The following B3GALT1 variants were observed in gnomAD, a reference collection of about 807,000 sequenced individuals.
The protein encoded by B3GALT1 is beta-1,3-galactosyltransferase 1, also known as UDP-Gal:betaGlcNAc beta 1,3-galactosyltransferase, polypeptide 1.
A neutral mutation model predicts 23.2 loss-of-function variants in B3GALT1; 10 were observed. The observed-to-expected ratio is 0.43, with a 90% confidence interval of 0.27 to 0.73. The LOEUF is 0.73. B3GALT1 is among the 30% of genes least tolerant of loss of function. The pLI is 0.21. For missense variants in B3GALT1, 299 were observed against 405.4 expected (o/e 0.74, Z 2.25); for synonymous variants, 156 against 141.5 (o/e 1.10, Z -0.73).
Position 167,467,234 on chromosome 2 carries a change from C to T in B3GALT1, c.-510-22943C>T, listed in dbSNP as rs368563199. ...CACTCAGGACCTCATTAATACTAGA[C>T]ATCTTTATCTGTGTTTAACTATAAT... On this transcript the variant is annotated intron_variant, in intron 1 of 4. Transcript: ENST00000392690. 2.8e-4 allele frequency among the ~76,000 whole-genome samples: 42 copies of T among 152,074 alleles called. No homozygotes were observed. In the East Asian group the frequency reaches 7.9e-3, roughly 29 times the overall value.
rs181057222 is a variant in B3GALT1, at chr2:167,565,402, C to T, written c.-410+75125C>T. ...AACGTCAGACCTAAAACCACAAAAACCCTAGAAGAAAACCTAAGCATTAGC... is the reference window on the plus strand; with the variant it reads ...AACGTCAGACCTAAAACCACAAAAATCCTAGAAGAAAACCTAAGCATTAGC... On this transcript the variant is annotated intron_variant, in intron 2 of 4. Transcript: ENST00000392690. Among the ~76,000 whole-genome samples, 184 of 152,266 alleles carry T rather than the reference C, an allele frequency of 1.2e-3. 1 individual carries two copies. In the South Asian group the frequency reaches 0.013, roughly 11 times the overall value.
chr2:167,748,002 T>C (rs1687677913), intron 3 of B3GALT1, among the ~76,000 whole-genome samples: 1 of 152,332 alleles, frequency 6.6e-6, no homozygotes, highest in African/African-American at 2.4e-5. Flanking sequence ...TAAGCATTTC[T>C]AGTATCCATA....
At chr2:167,655,111 T>TTTTTTTACTATA (rs1422048467) in intron 3 of B3GALT1, among the ~76,000 whole-genome samples, 5 of 152,092 alleles carry the variant, frequency 3.3e-5, no homozygotes, top group African/African-American at 1.2e-4. Context: ...AATCTTGATA[T>TTTTTTTACTATA]TTTTTTACTA....
intron 2 of B3GALT1, among the ~76,000 whole-genome samples, chr2:167,545,391 A>G (rs1051391768): frequency 6.6e-6 from 1 of 151,330 alleles, no homozygotes; most frequent in Admixed American, 6.6e-5. Flanking sequence ...TCCTTTTCCT[A>G]TCCTATAGAA....
At chr2:167,529,809 A>G (rs1386499848) in intron 2 of B3GALT1, among the ~76,000 whole-genome samples, 1 of 151,612 alleles carries the variant, frequency 6.6e-6, no homozygotes, top group Non-Finnish European at 1.5e-5. Context: ...AAGCCACACC[A>G]TTTCTCACCT....
chr2:167,609,776 A>G (rs1685027345), intron 2 of B3GALT1, among the ~76,000 whole-genome samples: 1 of 152,104 alleles, frequency 6.6e-6, no homozygotes, highest in South Asian at 2.1e-4. Context: ...CAATTCCCCT[A>G]ATTGAATTTT....
chr2:167,502,607 A>G (rs1000362220), intron 2 of B3GALT1, among the ~76,000 whole-genome samples: 1 of 152,098 alleles, frequency 6.6e-6, no homozygotes, highest in Non-Finnish European at 1.5e-5. Flanking sequence ...GAAAGAGAGC[A>G]AAGGGGGAAG....
intron 3 of B3GALT1, among the ~76,000 whole-genome samples, chr2:167,774,485 G>GTT (rs767692581): frequency 0.023 from 2,435 of 104,702 alleles, 138 homozygotes; most frequent in Non-Finnish European, 0.035. Context: ...TTTTTTTTTT[G>GTT]TTTTTTTTTT....
chr2:167,843,500 G>C (rs963516531), intron 4 of B3GALT1, among the ~76,000 whole-genome samples: 1 of 152,192 alleles, frequency 6.6e-6, no homozygotes, highest in Non-Finnish European at 1.5e-5. Context: ...CAGGATTGCT[G>C]ATTTCAGCCT....
chr2:167,520,981 C>CT (rs796373922), intron 2 of B3GALT1, among the ~76,000 whole-genome samples: 2,052 of 146,800 alleles, frequency 0.014, 17 homozygotes, highest in Middle Eastern at 0.021. Flanking sequence ...ACAAGATTAA[C>CT]TTTTTTTTTT....
chr2:167,772,720 T>C (rs1688092911), intron 3 of B3GALT1, among the ~76,000 whole-genome samples: 1 of 152,216 alleles, frequency 6.6e-6, no homozygotes, highest in South Asian at 2.1e-4. Context: ...TATGTTTCTT[T>C]ATTAATCTTC....
chr2:167,761,423 T>G (rs948231723), intron 3 of B3GALT1, among the ~76,000 whole-genome samples: 1 of 152,204 alleles, frequency 6.6e-6, no homozygotes, highest in Non-Finnish European at 1.5e-5. Flanking sequence ...GCATTCCAGC[T>G]CAGTAGATTC....
At chr2:167,457,285 G>A (rs1219192602) in intron 1 of B3GALT1, among the ~76,000 whole-genome samples, 1 of 151,906 alleles carries the variant, frequency 6.6e-6, no homozygotes, top group Admixed American at 6.6e-5. Context: ...CGATTCTCCT[G>A]CCTCAGCCTC....
chr2:167,413,967 T>TA (rs1242059829), intron 1 of B3GALT1, among the ~76,000 whole-genome samples: 2 of 152,172 alleles, frequency 1.3e-5, no homozygotes, highest in Non-Finnish European at 2.9e-5. Context: ...CTGCAATTGA[T>TA]ATATTTAATA....
intron 3 of B3GALT1, among the ~76,000 whole-genome samples, chr2:167,663,120 C>A (rs1392474371): frequency 1.7e-5 from 2 of 120,422 alleles, no homozygotes; most frequent in Non-Finnish European, 3.3e-5. Flanking sequence ...TCCCCCCACC[C>A]CACAACAGTC....
chr2:167,487,798 A>G (rs1415729414), intron 1 of B3GALT1, among the ~76,000 whole-genome samples: 1 of 152,160 alleles, frequency 6.6e-6, no homozygotes, highest in Non-Finnish European at 1.5e-5. Flanking sequence ...ATTTGTGGTT[A>G]TACTTTGTTT....
intron 2 of B3GALT1, among the ~76,000 whole-genome samples, chr2:167,614,546 C>G (rs575256814): frequency 6.6e-6 from 1 of 151,744 alleles, no homozygotes; most frequent in Non-Finnish European, 1.5e-5. Flanking sequence ...TTCATCCAAC[C>G]AAGATCAATA....
intron 3 of B3GALT1, among the ~76,000 whole-genome samples, chr2:167,693,845 G>A (rs1686751924): frequency 6.6e-6 from 1 of 151,996 alleles, no homozygotes; most frequent in Non-Finnish European, 1.5e-5. Context: ...GTTAGCTATT[G>A]CTGTATAATA....
chr2:167,564,327 C>T (rs1235912253), intron 2 of B3GALT1, among the ~76,000 whole-genome samples: 1 of 149,572 alleles, frequency 6.7e-6, no homozygotes, highest in South Asian at 2.1e-4. Flanking sequence ...GAGGCGCTCC[C>T]CACCTCCTAG....
Sources: gnomAD v4.1 joint callset for allele counts (sites outside exome capture counted in the v4.1 genomes callset) on GRCh38, gnomAD v4.1.1 for gene constraint, MANE v1.5 for transcripts, NCBI Gene and HGNC (gene_info 2026-07-23, HGNC 2026-07-21) for gene names.